The following CACNA2D3 variants were observed in gnomAD, a reference collection of about 807,000 sequenced individuals.
CACNA2D3 encodes voltage-dependent calcium channel subunit alpha-2/delta-3.
CACNA2D3 carries 60 observed loss-of-function variants against 160.6 expected under a neutral mutation model. The observed-to-expected ratio is 0.37, with a 90% CI of 0.30 to 0.46. The LOEUF is 0.46. Among genes scored for constraint, CACNA2D3 ranks in the 20% least tolerant of loss-of-function variants. CACNA2D3 has a pLI of 1.00. For synonymous variants in CACNA2D3, 558 were observed against 492.9 expected (o/e 1.13, Z -1.75); for missense variants, 1,205 against 1,365.0 (o/e 0.88, Z 1.85).
At chr3:54,815,785 G>C in intron 13 of CACNA2D3, among the ~76,000 whole-genome samples, 1 of 152,132 alleles carries the variant, frequency 6.6e-6, no homozygotes, top group Admixed American at 6.5e-5. Context: ...GATTTAATGG[G>C]ATAATGCAAA....
At chr3:54,866,198 G>T (rs1699397582) in intron 17 of CACNA2D3, among the ~76,000 whole-genome samples, 1 of 152,212 alleles carries the variant, frequency 6.6e-6, no homozygotes, top group African/African-American at 2.4e-5. Context: ...TTTGGATTGT[G>T]TAGGTGAACA....
chr3:55,039,008 G>GTCA, intron 35 of CACNA2D3, among the ~76,000 whole-genome samples: 2 of 151,354 alleles, frequency 1.3e-5, no homozygotes, highest in South Asian at 2.1e-4. Flanking sequence ...AAAGAAGGGA[G>GTCA]TCATCAGCCA....
chr3:54,630,823 C>G (rs945904827), intron 10 of CACNA2D3, among the ~76,000 whole-genome samples: 2 of 152,088 alleles, frequency 1.3e-5, no homozygotes, highest in Admixed American at 1.3e-4. Flanking sequence ...TGTAAAAATA[C>G]CTCTGGAGTC....
At chr3:54,715,289 C>T (rs1397491891) in intron 11 of CACNA2D3, among the ~76,000 whole-genome samples, 2 of 152,140 alleles carry the variant, frequency 1.3e-5, no homozygotes, top group Non-Finnish European at 2.9e-5. Flanking sequence ...TACAGTTCAA[C>T]AGCCAGATGG....
At chr3:54,229,240 G>A (rs1292322913) in intron 2 of CACNA2D3, among the ~76,000 whole-genome samples, 1 of 151,576 alleles carries the variant, frequency 6.6e-6, no homozygotes, top group African/African-American at 2.4e-5. Context: ...CGCCCAGGCT[G>A]GAATGCAGTG....
chr3:54,740,648 C>T (rs1262544797), intron 11 of CACNA2D3, among the ~76,000 whole-genome samples: 1 of 152,176 alleles, frequency 6.6e-6, no homozygotes, highest in Non-Finnish European at 1.5e-5. Flanking sequence ...ACAGAGTGAA[C>T]ACTGTCCTCA....
chr3:54,520,698 C>T (rs1701634420), intron 5 of CACNA2D3, among the ~76,000 whole-genome samples: 1 of 152,196 alleles, frequency 6.6e-6, no homozygotes, highest in Admixed American at 6.5e-5. Context: ...AGCCATCAGT[C>T]ACCATTACAT....
chr3:54,178,352 A>G (rs1700714760), intron 2 of CACNA2D3, among the ~76,000 whole-genome samples: 2 of 152,204 alleles, frequency 1.3e-5, no homozygotes. Context: ...GTTGTCTCCA[A>G]GGCAGTTGAG....
intron 29 of CACNA2D3, among the ~76,000 whole-genome samples, chr3:54,982,956 T>C (rs1323517087): frequency 1.3e-5 from 2 of 152,178 alleles, no homozygotes; most frequent in African/African-American, 4.8e-5. Flanking sequence ...TGTTGTATCT[T>C]ATGCCGACCT....
intron 5 of CACNA2D3, among the ~76,000 whole-genome samples, chr3:54,540,866 C>A (rs1293653857): frequency 2.6e-5 from 4 of 152,126 alleles, no homozygotes; most frequent in African/African-American, 7.2e-5. Context: ...AACATTCATT[C>A]CATAGCAGTA....
intron 4 of CACNA2D3, among the ~76,000 whole-genome samples, chr3:54,438,519 C>G (rs1003975389): frequency 6.6e-6 from 1 of 152,180 alleles, no homozygotes. Flanking sequence ...TGGAAAAGCT[C>G]TTTGAGAAAT....
intron 2 of CACNA2D3, among the ~76,000 whole-genome samples, chr3:54,216,740 A>G (rs908505384): frequency 1.3e-5 from 2 of 152,196 alleles, no homozygotes; most frequent in African/African-American, 4.8e-5. Flanking sequence ...TGTTTTTGTC[A>G]AAAATAAGCC....
intron 3 of CACNA2D3, among the ~76,000 whole-genome samples, chr3:54,371,445 G>A (rs1698924794): frequency 1.3e-5 from 2 of 151,920 alleles, no homozygotes; most frequent in African/African-American, 2.4e-5. Context: ...CAACTTCATC[G>A]AGATATAATT....
intron 27 of CACNA2D3, chr3:54,967,143 G>T (rs1054014831): frequency 3.9e-5 from 6 of 152,194 alleles, no homozygotes; most frequent in African/African-American, 1.4e-4. Context: ...CCTAGAGTCG[G>T]AAATTCTAAG....
chr3:54,668,846 A>C (rs111602307), intron 11 of CACNA2D3, among the ~76,000 whole-genome samples: 3 of 152,170 alleles, frequency 2.0e-5, no homozygotes, highest in Admixed American at 2.0e-4. Context: ...CTTACCTCAA[A>C]TGTGGGCTTT....
intron 5 of CACNA2D3, among the ~76,000 whole-genome samples, chr3:54,552,073 G>T (rs1253919790): frequency 2.0e-5 from 3 of 152,172 alleles, no homozygotes; most frequent in Non-Finnish European, 2.9e-5. Context: ...TTTTAGCCAT[G>T]ATTTTATGCC....
chr3:54,476,447 G>A (rs910842347), intron 4 of CACNA2D3, among the ~76,000 whole-genome samples: 1 of 151,922 alleles, frequency 6.6e-6, no homozygotes, highest in African/African-American at 2.4e-5. Flanking sequence ...TGGATCATAT[G>A]GTAGTTCTAG....
At chr3:54,948,440 A>T (rs762562382) in intron 27 of CACNA2D3, among the ~76,000 whole-genome samples, 1 of 152,230 alleles carries the variant, frequency 6.6e-6, no homozygotes, top group Non-Finnish European at 1.5e-5. Context: ...TTCATTGTCC[A>T]GAACTTGGTT....
At chr3:54,529,250 G>T (rs191573275) in intron 5 of CACNA2D3, among the ~76,000 whole-genome samples, 113 of 152,210 alleles carry the variant, frequency 7.4e-4, no homozygotes, top group African/African-American at 2.7e-3. Flanking sequence ...ATGCATACCC[G>T]TTTCTTAACA....
Sources: gnomAD v4.1 joint callset for allele counts (sites outside exome capture counted in the v4.1 genomes callset) on GRCh38, gnomAD v4.1.1 for gene constraint, MANE v1.5 for transcripts, NCBI Gene and HGNC (gene_info 2026-07-23, HGNC 2026-07-21) for gene names.